Variants in TBCE observed in about 807,000 individuals in gnomAD.
TBCE encodes the protein tubulin-specific chaperone E.
TBCE carries 53 observed loss-of-function variants against 77.0 expected under a neutral mutation model. The observed-to-expected ratio is 0.69, with a 90% confidence interval of 0.55 to 0.87. TBCE has a LOEUF of 0.87. TBCE is among the 40% of genes least tolerant of loss of function. The pLI, the probability that TBCE is intolerant of heterozygous loss-of-function variation, is 0.00. For synonymous variants in TBCE, 235 were observed against 241.3 expected (o/e 0.97, Z 0.24); for missense variants, 624 against 622.4 (o/e 1.00, Z -0.03).
At chr1:235,431,668 AT>A (rs1681096443) in intron 7 of TBCE, among the ~76,000 whole-genome samples, 1 of 149,798 alleles carries the variant, frequency 6.7e-6, no homozygotes, top group Admixed American at 6.7e-5. Context: ...GCCCACTTTC[AT>A]TTTTATTTAT....
chr1:235,381,921 G>C (rs1356460180), intron 2 of TBCE, among the ~76,000 whole-genome samples: 4 of 138,638 alleles, frequency 2.9e-5, no homozygotes, highest in Non-Finnish European at 6.2e-5. Flanking sequence ...CCATTAACTC[G>C]TCATTTAGCA....
intron 1 of TBCE, among the ~76,000 whole-genome samples, chr1:235,378,011 G>A (rs1213671298): frequency 1.3e-5 from 2 of 152,102 alleles, no homozygotes; most frequent in East Asian, 1.9e-4. Context: ...AATAACAAAG[G>A]CCTCAGATAT....
At chr1:235,424,055 C>A (rs1048738879) in intron 5 of TBCE, among the ~76,000 whole-genome samples, 1 of 152,178 alleles carries the variant, frequency 6.6e-6, no homozygotes, top group Non-Finnish European at 1.5e-5. Flanking sequence ...ACTTTCTCCA[C>A]GTTTTATGTA....
chr1:235,443,099 T>G, intron 15 of TBCE, 188 bp downstream of exon 15: 1 of 632,854 alleles, frequency 1.6e-6, no homozygotes, highest in Non-Finnish European at 2.8e-6. Context: ...CCCCAAAAGT[T>G]CAGGTCTCCC....
intron 1 of TBCE, among the ~76,000 whole-genome samples, 187 bp from the exon 2 acceptor site, chr1:235,379,832 C>T (rs1317186355): frequency 6.6e-6 from 1 of 151,240 alleles, no homozygotes; most frequent in African/African-American, 2.4e-5. Flanking sequence ...ATCTGTGGAC[C>T]CGGTTACTCT....
intron 2 of TBCE, among the ~76,000 whole-genome samples, chr1:235,388,845 G>A (rs1418053838): frequency 6.6e-6 from 1 of 152,210 alleles, no homozygotes; most frequent in Non-Finnish European, 1.5e-5. Flanking sequence ...GCTGGGCTAT[G>A]GTACAGCCTC....
At chr1:235,444,681 A>G (rs1455242204) in intron 15 of TBCE, among the ~76,000 whole-genome samples, 4 of 152,226 alleles carry the variant, frequency 2.6e-5, no homozygotes, top group Admixed American at 6.5e-5. Flanking sequence ...CTGGGGTTAT[A>G]GGTGTGAGCC....
chr1:235,368,486 A>G (rs2102786393), intron 1 of TBCE, among the ~76,000 whole-genome samples: 1 of 136,686 alleles, frequency 7.3e-6, no homozygotes, highest in Admixed American at 7.5e-5. Context: ...CTGTATGCTC[A>G]TATTTTATAT....
Position 235,433,937 on chromosome 1 carries a change from T to G in TBCE, c.661-267T>G, listed in dbSNP as rs12405889. ...ATCTCCTGTTCCACCTCGTAGCTGC[T>G]TTACCTAAACCATGCATTGACACGT... On this transcript the variant is annotated intron_variant, in intron 7 of 16. Coordinates refer to ENST00000642610, the MANE Select transcript of TBCE (RefSeq NM_003193.5). 0.52 allele frequency: 271,977 copies of G among 526,338 alleles called. 71,452 individuals carry two copies. Among genetic ancestry groups the G allele is most frequent in the East Asian group, 0.62 (18,955 of 30,618 alleles). 32.6% of individuals were successfully genotyped at this position (526,338 alleles called of 1,614,324 possible). A position where few individuals can be genotyped will look rare whatever the true frequency, so the allele number is the denominator to read the frequency against.
chr1:235,413,329 C>T (rs867322471), intron 3 of TBCE, among the ~76,000 whole-genome samples: 1 of 150,830 alleles, frequency 6.6e-6, no homozygotes, highest in African/African-American at 2.4e-5. Flanking sequence ...TCACTGCACT[C>T]TCACCGAGGT....
intron 3 of TBCE, among the ~76,000 whole-genome samples, chr1:235,410,782 A>G (rs188289434): frequency 1.1e-3 from 175 of 152,274 alleles, no homozygotes; most frequent in African/African-American, 4.0e-3. Context: ...TAACTTCTTT[A>G]TGCTGAACAG....
intron 2 of TBCE, among the ~76,000 whole-genome samples, chr1:235,394,660 A>G (rs1485091292): frequency 2.0e-5 from 3 of 151,790 alleles, no homozygotes; most frequent in Non-Finnish European, 4.4e-5. Flanking sequence ...GGCTCAAGCA[A>G]TCTGCCTGCC....
rs1681278232 is a variant in TBCE at position 235,434,192 on chromosome 1, T to C, written c.661-12T>C. On this transcript the variant is annotated splice_polypyrimidine_tract_variant and intron_variant, in intron 7 of 16. Transcript: ENST00000642610. ...AGAGGCCGCCTGAGCCTGAACCGAG[T>C]TTCTCTTCCAGGTGCTGCGGTGTGT... is the stretch of plus-strand genomic sequence containing the variant. The C allele has an allele frequency of 1.2e-6, 2 of 1,613,960 alleles. No homozygotes were observed. Among genetic ancestry groups the C allele is most frequent in the East Asian group, 4.5e-5 (2 of 44,880 alleles).
chr1:235,444,038 A>C (rs927104404), intron 15 of TBCE, among the ~76,000 whole-genome samples: 1 of 152,242 alleles, frequency 6.6e-6, no homozygotes, highest in Non-Finnish European at 1.5e-5. Flanking sequence ...TGAAATACAC[A>C]TCAGCTTAAT....
At chr1:235,402,242 T>C (rs1679158047) in intron 3 of TBCE, among the ~76,000 whole-genome samples, 1 of 151,884 alleles carries the variant, frequency 6.6e-6, no homozygotes, top group Non-Finnish European at 1.5e-5. Context: ...TTCTGTACTT[T>C]TAGTGGAGAC....
intron 13 of TBCE, among the ~76,000 whole-genome samples, chr1:235,439,420 C>T (rs1175134039): frequency 4.7e-5 from 7 of 149,730 alleles, no homozygotes; most frequent in East Asian, 2.1e-4. Context: ...GGTGTGAACC[C>T]GGGGGGCGGA....
intron 2 of TBCE, among the ~76,000 whole-genome samples, chr1:235,397,099 C>A (rs1254494997): frequency 6.6e-6 from 1 of 151,958 alleles, no homozygotes; most frequent in Admixed American, 6.6e-5. Flanking sequence ...CTTAGCCTTC[C>A]GAGTAGCTGG....
intron 13 of TBCE, among the ~76,000 whole-genome samples, chr1:235,440,333 C>T (rs935660455): frequency 2.6e-5 from 4 of 151,912 alleles, no homozygotes; most frequent in African/African-American, 7.3e-5. Flanking sequence ...TCAGGTGGCG[C>T]ACCATGCTCC....
chr1:235,373,071 A>G (rs76446784), intron 1 of TBCE, among the ~76,000 whole-genome samples: 3,652 of 152,100 alleles, frequency 0.024, 159 homozygotes, highest in African/African-American at 0.084. Flanking sequence ...AGGTAGCTCA[A>G]ACCTGTAATC....
Sources: allele counts gnomAD v4.1 joint callset (sites outside exome capture counted in the v4.1 genomes callset), GRCh38; gene constraint gnomAD v4.1.1; transcripts MANE v1.5; gene names NCBI Gene and HGNC (gene_info 2026-07-23, HGNC 2026-07-21).